The following DLG2 variants were observed in gnomAD, a reference collection of about 807,000 sequenced individuals.
DLG2 encodes the protein disks large homolog 2.
In DLG2, 45 loss-of-function variants were observed where a neutral mutation model predicts 132.5. The observed-to-expected ratio is 0.34, with a 90% CI of 0.27 to 0.44. The LOEUF (loss-of-function observed/expected upper bound fraction) is 0.44, where lower values mean the gene tolerates loss of function less well. Ranked by LOEUF, DLG2 falls within the 20% of genes least tolerant of loss-of-function variation. The pLI is 1.00. For synonymous variants in DLG2, 424 were observed against 419.6 expected (o/e 1.01, Z -0.13); for missense variants, 1,045 against 1,196.9 (o/e 0.87, Z 1.87).
At chr11:85,199,163 T>C (rs78032184) in intron 4 of DLG2, among the ~76,000 whole-genome samples, 3,053 of 152,318 alleles carry the variant, frequency 0.02, 59 homozygotes, top group Admixed American at 0.038. Context: ...TGAATAACTC[T>C]TCAATAGATC....
At chr11:83,587,455 G>C (rs7939717) in intron 19 of DLG2, among the ~76,000 whole-genome samples, 5,477 of 152,110 alleles carry the variant, frequency 0.036, 277 homozygotes, top group African/African-American at 0.11. Flanking sequence ...ATTTTTAACA[G>C]AGATAAGATA....
intron 6 of DLG2, among the ~76,000 whole-genome samples, chr11:85,023,337 A>G (rs749646802): frequency 3.9e-5 from 6 of 152,074 alleles, no homozygotes; most frequent in Non-Finnish European, 5.9e-5. Flanking sequence ...TAAAATGTAA[A>G]ATTCGATTTG....
chr11:83,516,006 T>A (rs377499137), intron 21 of DLG2, among the ~76,000 whole-genome samples: 1 of 152,314 alleles, frequency 6.6e-6, no homozygotes, highest in East Asian at 1.9e-4. Context: ...ATTCTGTTGA[T>A]TTGGGGTGGA....
chr11:84,160,239 C>A (rs2095516769), intron 9 of DLG2, among the ~76,000 whole-genome samples: 1 of 152,110 alleles, frequency 6.6e-6, no homozygotes, highest in Admixed American at 6.6e-5. Context: ...ATCTGGAGTG[C>A]TGAAACCTTT....
intron 18 of DLG2, chr11:83,786,454 A>G: frequency 6.4e-6 from 3 of 465,328 alleles, no homozygotes; most frequent in Non-Finnish European, 7.8e-6. Context: ...GCTGGTTGCT[A>G]TTTATTTGAA....
intron 3 of DLG2, among the ~76,000 whole-genome samples, chr11:85,341,110 T>TTTTTG (rs10641157): frequency 0.88 from 131,580 of 150,154 alleles, 58,040 homozygotes; most frequent in Non-Finnish European, 0.93. Context: ...TTCTTGTTTG[T>TTTTTG]TTTTGTTTTG....
At chr11:84,271,431 A>G (rs1275300395) in intron 7 of DLG2, among the ~76,000 whole-genome samples, 2 of 152,314 alleles carry the variant, frequency 1.3e-5, no homozygotes, top group East Asian at 3.9e-4. Context: ...TCCATGTATT[A>G]ACACATCCCT....
At chr11:84,456,932 T>TA (rs35495784) in intron 7 of DLG2, among the ~76,000 whole-genome samples, 1 of 150,878 alleles carries the variant, frequency 6.6e-6, no homozygotes, top group Non-Finnish European at 1.5e-5. Flanking sequence ...AGTTAGTATT[T>TA]AAAAAAAAGG....
intron 8 of DLG2, among the ~76,000 whole-genome samples, chr11:84,174,014 C>CTTTTGTTT (rs2095882117): frequency 1.6e-5 from 1 of 61,218 alleles, no homozygotes. Context: ...ACCCCCCGGC[C>CTTTTGTTT]TTTTTTTTTT....
At chr11:84,829,088 C>T (rs759145358) in intron 6 of DLG2, among the ~76,000 whole-genome samples, 1 of 151,560 alleles carries the variant, frequency 6.6e-6, no homozygotes, top group African/African-American at 2.4e-5. Flanking sequence ...TTTATATAAG[C>T]CTGAGTAAAA....
chr11:85,108,181 A>T (rs1340096064), intron 6 of DLG2, among the ~76,000 whole-genome samples: 1 of 152,056 alleles, frequency 6.6e-6, no homozygotes, highest in Non-Finnish European at 1.5e-5. Flanking sequence ...GCAGACATGA[A>T]AACCAAGGCT....
At chr11:84,541,398 C>A (rs549325713) in intron 6 of DLG2, among the ~76,000 whole-genome samples, 1 of 151,990 alleles carries the variant, frequency 6.6e-6, no homozygotes, top group East Asian at 1.9e-4. Flanking sequence ...GCCCCCAACC[C>A]CAGATTCCTT....
At position 84,735,422 on chromosome 11, in the gene DLG2, C is replaced by T. The variant is rs186866067; in HGVS notation, c.358-200691G>A. On this transcript the variant is annotated intron_variant, in intron 6 of 27. Coordinates refer to ENST00000376104, the MANE Select transcript of DLG2 (RefSeq NM_001142699.3). Reference sequence around the variant, plus strand: ...TCTTCTAGATTTTCTAGTTTATTTACGTAGAGGTGTTTATAGTATTCTCTG... The same window carrying T: ...TCTTCTAGATTTTCTAGTTTATTTATGTAGAGGTGTTTATAGTATTCTCTG... Among the ~76,000 whole-genome samples the T allele has an allele frequency of 3.4e-3, 514 of 152,196 alleles. 2 individuals carry two copies. The highest frequency in any genetic ancestry group is 6.1e-3 in the Non-Finnish European group (415 of 67,990).
At chr11:84,771,069 G>A (rs2069297757) in intron 6 of DLG2, among the ~76,000 whole-genome samples, 1 of 152,130 alleles carries the variant, frequency 6.6e-6, no homozygotes, top group South Asian at 2.1e-4. Flanking sequence ...TGTGAATAGT[G>A]CTGCAGTAAA....
chr11:85,500,003 A>G (rs1001509146), intron 3 of DLG2, among the ~76,000 whole-genome samples: 2 of 152,334 alleles, frequency 1.3e-5, no homozygotes. Flanking sequence ...CTGAATGGGC[A>G]AAAGCTAGAA....
chr11:83,852,255 C>G (rs1046691404), intron 16 of DLG2, among the ~76,000 whole-genome samples: 1 of 152,220 alleles, frequency 6.6e-6, no homozygotes, highest in Non-Finnish European at 1.5e-5. Flanking sequence ...AATGCACAAA[C>G]TGACATGAAC....
rs2054727772 is a variant in DLG2, at chr11:83,832,183, A to G, written c.1722+1431T>C. Among the ~76,000 whole-genome samples the G allele has an allele frequency of 2.0e-5, 3 of 152,338 alleles. 1 individual carries two copies. The highest frequency in any genetic ancestry group is 4.4e-5 in the Non-Finnish European group (3 of 68,036). On this transcript the variant is annotated intron_variant, in intron 17 of 27. Transcript: ENST00000376104. ...GAGGTCCATTGAACAATGTGTGCCTATAGTCACCAATACTGCTTGCTTAAA... is the reference window on the plus strand; with the variant it reads ...GAGGTCCATTGAACAATGTGTGCCTGTAGTCACCAATACTGCTTGCTTAAA...
intron 15 of DLG2, among the ~76,000 whole-genome samples, chr11:83,909,133 T>G (rs1477276472): frequency 1.3e-5 from 2 of 152,206 alleles, no homozygotes; most frequent in Non-Finnish European, 2.9e-5. Context: ...CCATATGCTA[T>G]TCAAGAGATT....
chr11:84,453,844 C>T (rs1602406183), intron 7 of DLG2, among the ~76,000 whole-genome samples: 1 of 151,608 alleles, frequency 6.6e-6, no homozygotes, highest in South Asian at 2.1e-4. Flanking sequence ...ATCATATGGT[C>T]TCTGTTTTCC....
Sources: allele counts gnomAD v4.1 joint callset (sites outside exome capture counted in the v4.1 genomes callset), GRCh38; gene constraint gnomAD v4.1.1; transcripts MANE v1.5; gene names NCBI Gene and HGNC (gene_info 2026-07-23, HGNC 2026-07-21).